CNR2: variants seen among roughly 807,000 people sequenced by gnomAD.
CNR2 encodes cannabinoid receptor 2 (macrophage).
For synonymous variants in CNR2, 172 were observed against 182.2 expected (o/e 0.94, Z 0.45); for missense variants, 379 against 439.9 (o/e 0.86, Z 1.24).
chr1:23,894,641 T>TTA (rs1553141650), intron 1 of CNR2, among the ~76,000 whole-genome samples: 3 of 110,144 alleles, frequency 2.7e-5, no homozygotes, highest in Non-Finnish European at 5.4e-5. Context: ...ATCTGTATTA[T>TTA]AAATAATAAT....
At position 23,875,086 on chromosome 1, in the gene CNR2, G is replaced by T. The variant is rs372203029; in HGVS notation, c.532C>A (p.Pro178Thr). ...ATCAGTGGGAAAAGCTCAGAGCAGG[G>T]CCTGGGACAGCAAGTCCATCCCATG... ...PLMGWTCCPR[P>T]CSELFPLIPN... is the part of the protein sequence containing the mutation. The change falls in exon 2 of 2, where the codon CCC becomes ACC. Residue 178 changes from proline (P) to threonine (T), a missense_variant. By Grantham distance (38) the Pro-to-Thr change is conservative. Coordinates refer to ENST00000374472, the MANE Select transcript of CNR2 (RefSeq NM_001841.3). The T allele has an allele frequency of 8.1e-6, 13 of 1,600,106 alleles. No homozygotes were observed. The highest frequency in any genetic ancestry group is 1.1e-5 in the Non-Finnish European group (13 of 1,172,794).
At chr1:23,902,154 C>T (rs1356163312) in intron 1 of CNR2, 5 of 1,417,864 alleles carry the variant, frequency 3.5e-6, no homozygotes, top group Non-Finnish European at 5.0e-6. Context: ...GCCCCTGCCT[C>T]TTGCACTCTG....
chr1:23,885,738 C>T (rs892349932), intron 1 of CNR2, among the ~76,000 whole-genome samples: 5 of 151,836 alleles, frequency 3.3e-5, no homozygotes, highest in Non-Finnish European at 5.9e-5. Context: ...ATTGACCAGG[C>T]GTGGTGGCGT....
At position 23,870,842 on chromosome 1, in the gene CNR2, T is replaced by G. The variant is rs1037994298; in HGVS notation, c.*3693A>C. ...ACCCTTGTTCTCCTCCCTCATAAGCTCTGCTTCTCCACTTAAAGCAGACAT... is the reference window on the plus strand; with the variant it reads ...ACCCTTGTTCTCCTCCCTCATAAGCGCTGCTTCTCCACTTAAAGCAGACAT... On this transcript the variant is annotated 3_prime_UTR_variant, in exon 2 of 2. Transcript: ENST00000374472. 6.6e-6 allele frequency: 1 copy of G among 152,170 alleles called. No homozygotes were observed. The highest frequency in any genetic ancestry group is 2.4e-5 in the African/African-American group (1 of 41,402). The allele number at this position is 152,170 out of a possible 1,614,324, so 9.4% of individuals were successfully genotyped here.
At chr1:23,887,316 C>T (rs1472116021) in intron 1 of CNR2, among the ~76,000 whole-genome samples, 2 of 152,168 alleles carry the variant, frequency 1.3e-5, no homozygotes, top group African/African-American at 2.4e-5. Context: ...CTAGGAACCC[C>T]CTGCCCCATC....
chr1:23,892,360 GAA>G (rs1640206033), intron 1 of CNR2, among the ~76,000 whole-genome samples: 1 of 152,218 alleles, frequency 6.6e-6, no homozygotes, highest in African/African-American at 2.4e-5. Context: ...GAGGAGAGAT[GAA>G]AAGGGCTGGC....
chr1:23,902,446 T>C, intron 1 of CNR2: 1 of 1,593,274 alleles, frequency 6.3e-7, no homozygotes, highest in South Asian at 1.1e-5. Context: ...ATGTACTTCT[T>C]AGCAGCCTAC....
intron 1 of CNR2, among the ~76,000 whole-genome samples, chr1:23,883,600 G>A (rs184042717): frequency 2.6e-4 from 40 of 152,260 alleles, no homozygotes; most frequent in Non-Finnish European, 5.0e-4. Flanking sequence ...CGAAACAGGC[G>A]AATTGCCTGA....
At chr1:23,897,623 G>A (rs1280533519) in intron 1 of CNR2, among the ~76,000 whole-genome samples, 1 of 151,550 alleles carries the variant, frequency 6.6e-6, no homozygotes, top group African/African-American at 2.4e-5. Flanking sequence ...CACCACACCT[G>A]GCTAATTTTT....
chr1:23,874,558 C>G lies in CNR2; in HGVS notation c.1060G>C (p.Asp354His), dbSNP rs199599665. 15 of 1,613,810 alleles carry G rather than the reference C, an allele frequency of 9.3e-6. No individual in the cohort carries two copies. The highest frequency in any genetic ancestry group is 1.3e-5 in the African/African-American group (1 of 74,908). ...CATCAGCAATCAGAGAGGTCTAGAT[C>G]TCTGGAATCTGGCCACGGAGTGATT... ...GKITPWPDSR[D>H]LDLSDC The change falls in exon 2 of 2, where the codon GAT (aspartate) becomes CAT (histidine). Residue 354 changes from aspartate (D) to histidine (H), a missense_variant. By Grantham distance (81) the Asp-to-His change is moderately conservative. Transcript: ENST00000374472.
chr1:23,901,492 A>AG lies in CNR2; in HGVS notation c.-46+11753dup, dbSNP rs1640398064. 6.3e-6 allele frequency: 10 copies of AG among 1,578,482 alleles called. No homozygotes were observed. The South Asian group carries it at 1.2e-4, about 19-fold the overall frequency. ...CACCTCAGGCATAGAAGATGAGCTCAGGGATCTGCCCACCCTGGACCCCAG... is the reference window on the plus strand; with the variant it reads ...CACCTCAGGCATAGAAGATGAGCTCAGGGGATCTGCCCACCCTGGACCCCAG... On this transcript the variant is annotated intron_variant, in intron 1 of 1. Transcript: ENST00000374472.
rs1036368462 is a variant in CNR2, at chr1:23,872,097, C to G, written c.*2438G>C. 1 of 135,336 alleles carries G rather than the reference C, an allele frequency of 7.4e-6. No individual in the cohort carries two copies. The highest frequency in any genetic ancestry group is 2.8e-5 in the African/African-American group (1 of 35,784). The allele number at this position is 135,336 out of a possible 1,614,324, so 8.4% of individuals were successfully genotyped here. ...GCAGTGAGCCAAGATCATGTCACTG[C>G]ACTCCTGCCTGGACAACAGAATGAG... is the stretch of plus-strand genomic sequence containing the variant. On this transcript the variant is annotated 3_prime_UTR_variant, in exon 2 of 2. Transcript: ENST00000374472.
chr1:23,888,019 G>A (rs948999201), intron 1 of CNR2, among the ~76,000 whole-genome samples: 6 of 152,188 alleles, frequency 3.9e-5, no homozygotes, highest in Admixed American at 1.3e-4. Flanking sequence ...AGAGATGTAA[G>A]ACATGTTGCA....
chr1:23,893,542 T>C (rs1026597344), intron 1 of CNR2, among the ~76,000 whole-genome samples: 3 of 152,210 alleles, frequency 2.0e-5, no homozygotes, highest in African/African-American at 7.2e-5. Flanking sequence ...GATTGAACTA[T>C]CAAGAGTGTT....
intron 1 of CNR2, among the ~76,000 whole-genome samples, chr1:23,912,645 G>A (rs1640606315): frequency 1.3e-5 from 2 of 152,214 alleles, no homozygotes; most frequent in African/African-American, 4.8e-5. Context: ...AAGGCTCTTA[G>A]GGCAGCGCCT....
intron 1 of CNR2, among the ~76,000 whole-genome samples, chr1:23,894,919 A>G (rs1040510688): frequency 1.3e-5 from 2 of 152,042 alleles, no homozygotes; most frequent in African/African-American, 4.8e-5. Flanking sequence ...TTAACTGACT[A>G]ATTAGAAATC....
intron 1 of CNR2, among the ~76,000 whole-genome samples, chr1:23,899,678 G>A (rs1206221695): frequency 3.4e-5 from 5 of 148,520 alleles, no homozygotes; most frequent in Non-Finnish European, 5.9e-5. Flanking sequence ...AGCCAGGTGT[G>A]GTGGTGCATG....
At chr1:23,889,055 A>T (rs1323241471) in intron 1 of CNR2, among the ~76,000 whole-genome samples, 1 of 152,070 alleles carries the variant, frequency 6.6e-6, no homozygotes, top group Non-Finnish European at 1.5e-5. Flanking sequence ...CAAAAATACC[A>T]CTGTTCAGAA....
chr1:23,887,198 T>C (rs558089140), intron 1 of CNR2, among the ~76,000 whole-genome samples: 1 of 152,276 alleles, frequency 6.6e-6, no homozygotes, highest in South Asian at 2.1e-4. Flanking sequence ...TCCACCCTGG[T>C]CACTAGTGAG....
Sources: allele counts gnomAD v4.1 joint callset (sites outside exome capture counted in the v4.1 genomes callset), GRCh38; gene constraint gnomAD v4.1.1; transcripts MANE v1.5; gene names NCBI Gene and HGNC (gene_info 2026-07-23, HGNC 2026-07-21).